IRF2: variants seen among roughly 807,000 people sequenced by gnomAD.
IRF2 encodes interferon regulatory factor 2.
IRF2 carries 15 observed loss-of-function variants against 40.6 expected under a neutral mutation model. The ratio of observed to expected loss-of-function variants is 0.37; its 90% CI spans 0.25 to 0.57. The LOEUF is 0.57. IRF2 is among the 20% of genes least tolerant of loss of function. The pLI is 0.77. For synonymous variants in IRF2, 151 were observed against 165.5 expected (o/e 0.91, Z 0.67); for missense variants, 317 against 455.7 (o/e 0.70, Z 2.77).
intron 1 of IRF2, among the ~76,000 whole-genome samples, chr4:184,457,068 T>C (rs891729603): frequency 6.6e-6 from 1 of 152,222 alleles, no homozygotes; most frequent in Non-Finnish European, 1.5e-5. Flanking sequence ...GTGAGGTGGT[T>C]TGGTTAACAC....
At chr4:184,450,264 A>G (rs1374366765) in intron 1 of IRF2, among the ~76,000 whole-genome samples, 3 of 152,248 alleles carry the variant, frequency 2.0e-5, no homozygotes, top group Non-Finnish European at 4.4e-5. Context: ...CAAATGAGTC[A>G]TGATAATAAC....
intron 1 of IRF2, among the ~76,000 whole-genome samples, chr4:184,458,894 G>A (rs1246067922): frequency 6.6e-6 from 1 of 152,044 alleles, no homozygotes; most frequent in East Asian, 1.9e-4. Context: ...GGCTTCTCCT[G>A]CTGTCAACAA....
intron 1 of IRF2, among the ~76,000 whole-genome samples, chr4:184,460,656 C>CAT (rs1739103709): frequency 1.6e-5 from 2 of 126,306 alleles, no homozygotes; most frequent in Admixed American, 8.6e-5. Flanking sequence ...CACACACACA[C>CAT]ATGCACGCGC....
intron 1 of IRF2, among the ~76,000 whole-genome samples, chr4:184,443,591 T>C (rs904342509): frequency 6.8e-6 from 1 of 148,052 alleles, no homozygotes; most frequent in Non-Finnish European, 1.5e-5. Context: ...ATATATACCA[T>C]ATTTTCTTTA....
At chr4:184,393,939 C>T in intron 7 of IRF2, among the ~76,000 whole-genome samples, 1 of 152,212 alleles carries the variant, frequency 6.6e-6, no homozygotes, top group East Asian at 1.9e-4. Context: ...TGACTTCTTA[C>T]ACAAGGGAGC....
chr4:184,412,297 T>G (rs941822285), intron 5 of IRF2, among the ~76,000 whole-genome samples: 1 of 152,082 alleles, frequency 6.6e-6, no homozygotes. Flanking sequence ...ATAATACACC[T>G]TTAGCTGGTC....
chr4:184,458,411 C>T (rs1039531081), intron 1 of IRF2, among the ~76,000 whole-genome samples: 5 of 152,186 alleles, frequency 3.3e-5, no homozygotes, highest in Non-Finnish European at 7.3e-5. Flanking sequence ...CAGCATAGGG[C>T]TTCACACACA....
intron 1 of IRF2, among the ~76,000 whole-genome samples, chr4:184,442,844 A>G (rs1738361720): frequency 7.6e-6 from 1 of 132,354 alleles, no homozygotes; most frequent in Non-Finnish European, 1.5e-5. Flanking sequence ...ACCACTTGAT[A>G]CCAAGTACTT....
At chr4:184,455,116 T>G (rs536505606) in intron 1 of IRF2, among the ~76,000 whole-genome samples, 21 of 152,084 alleles carry the variant, frequency 1.4e-4, no homozygotes, top group Non-Finnish European at 1.9e-4. Flanking sequence ...ACAACGCCCA[T>G]TGAATAAAAT....
At chr4:184,438,439 A>G (rs1738167712) in intron 1 of IRF2, among the ~76,000 whole-genome samples, 8 of 152,248 alleles carry the variant, frequency 5.3e-5, no homozygotes, top group Admixed American at 5.2e-4. Flanking sequence ...AAAGTGAGGT[A>G]AGCATTGTTT....
intron 8 of IRF2, among the ~76,000 whole-genome samples, chr4:184,390,186 C>T (rs1736204400): frequency 6.6e-6 from 1 of 152,226 alleles, no homozygotes; most frequent in Admixed American, 6.5e-5. Flanking sequence ...CAGCCACTTT[C>T]TGCCATTGTG....
intron 1 of IRF2, among the ~76,000 whole-genome samples, chr4:184,443,643 T>G (rs1738397145): frequency 1.3e-5 from 2 of 152,254 alleles, no homozygotes; most frequent in South Asian, 2.1e-4. Flanking sequence ...AGTCCATATC[T>G]TTGCTATTGT....
At chr4:184,456,926 C>T (rs774468161) in intron 1 of IRF2, among the ~76,000 whole-genome samples, 2 of 152,188 alleles carry the variant, frequency 1.3e-5, no homozygotes, top group Non-Finnish European at 2.9e-5. Flanking sequence ...AATTTATCGC[C>T]CCAGGGAAGT....
At chr4:184,453,783 A>C (rs1258085599) in intron 1 of IRF2, among the ~76,000 whole-genome samples, 1 of 152,168 alleles carries the variant, frequency 6.6e-6, no homozygotes, top group African/African-American at 2.4e-5. Context: ...GAATTACCTG[A>C]GCTGTTTGTG....
intron 5 of IRF2, among the ~76,000 whole-genome samples, chr4:184,410,539 C>G (rs1301266074): frequency 6.6e-6 from 1 of 152,216 alleles, no homozygotes; most frequent in South Asian, 2.1e-4. Flanking sequence ...TCAATGACCC[C>G]TGGTCAGTTT....
intron 7 of IRF2, among the ~76,000 whole-genome samples, chr4:184,393,135 T>G (rs139811219): frequency 6.1e-4 from 92 of 151,988 alleles, no homozygotes; most frequent in African/African-American, 2.1e-3. Context: ...AGAAGAAAAA[T>G]GAGGAACAGA....
In IRF2 at chr4:184,388,611, A is replaced by G; in HGVS notation, c.*147T>C. On this transcript the variant is annotated 3_prime_UTR_variant, in exon 9 of 9. Transcript: ENST00000393593. This position sits in a 1 kb window ranked among gnomAD's most constrained non-coding sequence, Gnocchi z 4.6. ...AGTTAAAGAGAAGCTCCAGTACTGGAGTTGGACACAGCAATCAATGTTCTA... is the reference window on the plus strand; with the variant it reads ...AGTTAAAGAGAAGCTCCAGTACTGGGGTTGGACACAGCAATCAATGTTCTA... The G allele has an allele frequency of 1.3e-6, 1 of 779,814 alleles. No homozygotes were observed. Among genetic ancestry groups the G allele is most frequent in the Non-Finnish European group, 2.1e-6 (1 of 484,534 alleles). The allele number at this position is 779,814 out of a possible 1,614,324, so 48.3% of individuals were successfully genotyped here. A position where few individuals can be genotyped will look rare whatever the true frequency, so the allele number is the denominator to read the frequency against.
At chr4:184,437,731 A>G (rs1251100132) in intron 1 of IRF2, among the ~76,000 whole-genome samples, 6 of 151,288 alleles carry the variant, frequency 4.0e-5, no homozygotes, top group African/African-American at 1.5e-4. Flanking sequence ...GCCATGCTTC[A>G]GTTTCACGAG....
In IRF2 at chr4:184,389,064, C is replaced by T. The variant is rs1131553; in HGVS notation, c.744G>A (p.Gly248=). 0.4 allele frequency: 641,770 copies of T among 1,611,808 alleles called. 129,879 individuals are homozygous for T. Among genetic ancestry groups the T allele is most frequent in the Admixed American group, 0.54 (32,429 of 59,964 alleles). ...SVPSDEESAE[G]RPHWRKRNIE... is the part of the protein sequence containing the mutation. ...TATTCCTCTTCCGCCAGTGTGGCCG[C>T]CCCTTTCAAGAAAGTAATTAAGATA... Residue 248 remains glycine (G), a splice_region_variant and synonymous_variant, in exon 9 of 9, where the codon GGG becomes GGA. Coordinates refer to ENST00000393593, the MANE Select transcript of IRF2 (RefSeq NM_002199.4).
Sources: allele counts gnomAD v4.1 joint callset (sites outside exome capture counted in the v4.1 genomes callset), GRCh38; gene constraint gnomAD v4.1.1; non-coding constraint Gnocchi (gnomAD v3.1); transcripts MANE v1.5; gene names NCBI Gene and HGNC (gene_info 2026-07-23, HGNC 2026-07-21).